Variants in DNAH17 observed in about 807,000 individuals in gnomAD.
DNAH17 encodes dynein axonemal heavy chain 17, also known as axonemal beta dynein heavy chain 17.
Under a neutral mutation model 485.6 loss-of-function variants are expected in DNAH17, and 376 were observed. That is an observed-to-expected ratio of 0.77 (90% confidence interval 0.71 to 0.84). The LOEUF (loss-of-function observed/expected upper bound fraction) is 0.84, where lower values mean the gene tolerates loss of function less well. Among genes scored for constraint, DNAH17 ranks in the 40% least tolerant of loss-of-function variants. DNAH17 has a pLI of 0.00. For missense variants in DNAH17, 6,370 were observed against 5,839.3 expected (o/e 1.09, Z -2.96); for synonymous variants, 3,031 against 2,405.9 (o/e 1.26, Z -7.60).
At chr17:78,472,644 G>A (rs573053911) in intron 54 of DNAH17, 50 of 440,056 alleles carry the variant, frequency 1.1e-4, no homozygotes, top group South Asian at 6.2e-4. Flanking sequence ...GGTGTGGGGA[G>A]GGGAGCTGGG....
chr17:78,469,003 G>C lies in DNAH17; in HGVS notation c.8512-120C>G, dbSNP rs141868651. ...CTTTGAGACGGAGTCTCGCTCTGTC[G>C]CCCAGGCTGGAGTGCAATGGCACAA... On this transcript the variant is annotated intron_variant, in intron 54 of 80. Coordinates refer to ENST00000389840, the MANE Select transcript of DNAH17 (RefSeq NM_173628.4). 10 of 1,294,862 alleles carry C rather than the reference G, an allele frequency of 7.7e-6. No individual in the cohort carries two copies. The Admixed American group carries it at 7.9e-5, about 10-fold the overall frequency. The allele number at this position is 1,294,862 out of a possible 1,614,324, so 80.2% of individuals were successfully genotyped here.
chr17:78,541,783 ATC>A (rs1377151309), intron 17 of DNAH17, among the ~76,000 whole-genome samples: 1 of 152,042 alleles, frequency 6.6e-6, no homozygotes, highest in African/African-American at 2.4e-5. Context: ...CCTAAGTCAA[ATC>A]TCTCTCCTGT....
rs553702829 is a variant in DNAH17 at position 78,455,749 on chromosome 17, G to A, written c.10065C>T (p.Asp3355=). Reference sequence around the variant, plus strand: ...ACACGAAGGCAGAGATGAGCAGGACGTCCCCACACAGCGTGACCCCCTGGC... The same window carrying A: ...ACACGAAGGCAGAGATGAGCAGGACATCCCCACACAGCGTGACCCCCTGGC... ...FRSQGVTLCG[D]VLLISAFVSY... is the part of the protein sequence containing the mutation. Residue 3355 remains aspartate (D), a synonymous_variant, in exon 63 of 81, where the codon GAC becomes GAT. Transcript: ENST00000389840. 8.2e-5 allele frequency: 132 copies of A among 1,613,004 alleles called. 3 individuals carry two copies. The South Asian group carries it at 1.1e-3, about 13-fold the overall frequency.
intron 54 of DNAH17, among the ~76,000 whole-genome samples, chr17:78,473,820 G>A (rs981973918): frequency 1.3e-5 from 2 of 152,184 alleles, no homozygotes; most frequent in Non-Finnish European, 2.9e-5. Context: ...CTTCAATGGA[G>A]AAAGCTCAGT....
At position 78,537,306 on chromosome 17, in the gene DNAH17, T is replaced by G; in HGVS notation, c.2852A>C (p.Asn951Thr). 2 of 1,563,412 alleles carry G rather than the reference T, an allele frequency of 1.3e-6. No individual in the cohort carries two copies. Among genetic ancestry groups the G allele is most frequent in the Non-Finnish European group, 8.7e-7 (1 of 1,154,034 alleles). ...GAAGAGGCCAGGACTGACCTTGTAG[T>G]TCATCCTGTCCTTGGCCAGCCGAGG... ...LIPRLAKDRM[N>T]YKMDLEDNTD... The change falls in exon 19 of 81, where the codon AAC (asparagine) becomes ACC (threonine). Residue 951 changes from asparagine (N) to threonine (T), a missense_variant. Transcript: ENST00000389840.
chr17:78,503,391 T>A (rs1402122085), intron 31 of DNAH17, among the ~76,000 whole-genome samples: 1 of 149,542 alleles, frequency 6.7e-6, no homozygotes, highest in African/African-American at 2.5e-5. Flanking sequence ...TTCACCATGT[T>A]AGCCAGGATG....
intron 1 of DNAH17, among the ~76,000 whole-genome samples, chr17:78,575,840 T>C (rs2092426273): frequency 6.6e-6 from 1 of 152,212 alleles, no homozygotes; most frequent in African/African-American, 2.4e-5. Flanking sequence ...AGAAAAGGCA[T>C]GTCAATATTT....
At chr17:78,500,155 G>A (rs2090224497) in intron 36 of DNAH17, 150 bp downstream of exon 36, 2 of 846,672 alleles carry the variant, frequency 2.4e-6, no homozygotes, top group Non-Finnish European at 3.5e-6. Context: ...GATGCTACCA[G>A]CAAGTGGGGG....
intron 68 of DNAH17, 124 bp from the exon 69 acceptor site, chr17:78,449,708 T>A: frequency 9.9e-7 from 1 of 1,008,230 alleles, no homozygotes; most frequent in Non-Finnish European, 1.4e-6. Flanking sequence ...GACAGAGTCT[T>A]GCTCTGTCGC....
At chr17:78,498,954 G>A (rs2090173428) in intron 37 of DNAH17, 54 bp downstream of exon 37, 5 of 1,397,444 alleles carry the variant, frequency 3.6e-6, no homozygotes, top group African/African-American at 1.4e-5. Flanking sequence ...TCACAGGAAA[G>A]CTGACGAGCC....
At position 78,462,942 on chromosome 17, in the gene DNAH17, G is replaced by C. The variant is rs1015598056; in HGVS notation, c.9076C>G (p.Leu3026Val). Reference protein sequence around the residue: ...TPKTFLEQIKLYQNLLAKKRT... With the variant: ...TPKTFLEQIKVYQNLLAKKRT... ...TTCTTGGCCAGCAGGTTCTGGTACA[G>C]TTTGATCTGCTCCAGAAAGGTTTTG... Residue 3026 changes from leucine to valine, a missense_variant, in exon 57 of 81, where the codon CTG (leucine) becomes GTG (valine). Physicochemically the swap from Leu to Val is conservative, Grantham distance 32 (BLOSUM62 1). Coordinates refer to ENST00000389840, the MANE Select transcript of DNAH17 (RefSeq NM_173628.4). The C allele has an allele frequency of 4.3e-6, 7 of 1,613,908 alleles. No individual in the cohort carries two copies. Among genetic ancestry groups the C allele is most frequent in the Admixed American group, 1.7e-5 (1 of 60,006 alleles).
chr17:78,494,965 C>G lies in DNAH17; in HGVS notation c.6036G>C (p.Ser2012=), dbSNP rs754391550. The change falls in exon 39 of 81, where the codon TCG becomes TCC. Residue 2012 remains serine, a synonymous_variant. Transcript: ENST00000389840. ...TLYTLCKELL[S]KQDHYDWGLR... is the part of the protein sequence containing the mutation. ...AGCTCCAGGACACACACACCTGCTTCGAGAGCAGCTCCTTGCACAAGGTGT... is the reference window on the plus strand; with the variant it reads ...AGCTCCAGGACACACACACCTGCTTGGAGAGCAGCTCCTTGCACAAGGTGT... 1.1e-5 allele frequency: 17 copies of G among 1,612,342 alleles called. No homozygotes were observed. In the Admixed American group the frequency reaches 1.2e-4, roughly 11 times the overall value.
At chr17:78,443,054 C>T (rs985350992) in intron 71 of DNAH17, among the ~76,000 whole-genome samples, 3 of 152,220 alleles carry the variant, frequency 2.0e-5, no homozygotes, top group African/African-American at 4.8e-5. Context: ...GATCTGCGCT[C>T]ATGGGTGTTT....
chr17:78,517,183 C>T (rs910317963), intron 25 of DNAH17, among the ~76,000 whole-genome samples: 2 of 152,202 alleles, frequency 1.3e-5, no homozygotes, highest in Non-Finnish European at 2.9e-5. Flanking sequence ...GCTGGGACTA[C>T]AGGCACATGT....
At chr17:78,460,746 G>T (rs897782428) in intron 58 of DNAH17, among the ~76,000 whole-genome samples, 2 of 152,168 alleles carry the variant, frequency 1.3e-5, no homozygotes, top group African/African-American at 2.4e-5. Context: ...AAATCCGGGG[G>T]CCACTGAGAC....
chr17:78,550,238 G>T (rs958015444), intron 16 of DNAH17, among the ~76,000 whole-genome samples: 1 of 111,426 alleles, frequency 9.0e-6, no homozygotes, highest in African/African-American at 3.5e-5. Context: ...GCACACGTCT[G>T]GACACTTTGG....
chr17:78,449,370 G>A lies in DNAH17; in HGVS notation c.11211+44C>T, dbSNP rs371050162. On this transcript the variant is annotated intron_variant, in intron 69 of 80. Transcript: ENST00000389840. Reference sequence around the variant, plus strand: ...AAAGCTCCCAGGGGTCAGTGACACCGCTGGTCCACGGACCACACTAGGAAC... The same window carrying A: ...AAAGCTCCCAGGGGTCAGTGACACCACTGGTCCACGGACCACACTAGGAAC... The A allele has an allele frequency of 3.7e-4, 555 of 1,510,804 alleles. 2 individuals are homozygous for A. Among genetic ancestry groups the A allele is most frequent in the Non-Finnish European group, 3.3e-4 (370 of 1,114,484 alleles). 93.6% of individuals were successfully genotyped at this position (1,510,804 alleles called of 1,614,324 possible).
At position 78,502,499 on chromosome 17, in the gene DNAH17, C is replaced by T. The variant is rs116212656; in HGVS notation, c.5190+92G>A. On this transcript the variant is annotated intron_variant, in intron 33 of 80. Transcript: ENST00000389840. ...CCGAGAAGAAGCCGCTCCAGGTACTCGCCCGGCAGGTTTCAGAAGGATACA... is the reference window on the plus strand; with the variant it reads ...CCGAGAAGAAGCCGCTCCAGGTACTTGCCCGGCAGGTTTCAGAAGGATACA... 2.4e-3 allele frequency: 2,988 copies of T among 1,241,480 alleles called. 64 individuals are homozygous for T. The African/African-American group carries it at 0.042, about 17-fold the overall frequency. 76.9% of individuals were successfully genotyped at this position (1,241,480 alleles called of 1,614,324 possible). A position where few individuals can be genotyped will look rare whatever the true frequency, so the allele number is the denominator to read the frequency against.
chr17:78,452,200 C>A (rs2087584278), intron 65 of DNAH17, among the ~76,000 whole-genome samples: 1 of 147,660 alleles, frequency 6.8e-6, no homozygotes, highest in African/African-American at 2.6e-5. Flanking sequence ...TATTGATTTG[C>A]CACCTCCTGG....
Sources: gnomAD v4.1 joint callset for allele counts (sites outside exome capture counted in the v4.1 genomes callset) on GRCh38, gnomAD v4.1.1 for gene constraint, MANE v1.5 for transcripts, NCBI Gene and HGNC (gene_info 2026-07-23, HGNC 2026-07-21) for gene names.